Variants in GALNT17 observed in about 807,000 individuals in gnomAD.
GALNT17 encodes the protein polypeptide N-acetylgalactosaminyltransferase 17.
GALNT17 carries 29 observed loss-of-function variants against 63.7 expected under a neutral mutation model. The observed-to-expected ratio is 0.46, with a 90% CI of 0.34 to 0.62. GALNT17 has a LOEUF of 0.62. Ranked by LOEUF, GALNT17 falls within the 20% of genes least tolerant of loss-of-function variation. GALNT17 has a pLI of 0.01. For missense variants in GALNT17, 603 were observed against 799.6 expected (o/e 0.75, Z 2.97); for synonymous variants, 305 against 318.3 (o/e 0.96, Z 0.45).
chr7:71,545,100 T>G (rs897516388), intron 5 of GALNT17, among the ~76,000 whole-genome samples: 5 of 152,154 alleles, frequency 3.3e-5, no homozygotes, highest in Admixed American at 2.0e-4. Flanking sequence ...CGTTTTCATA[T>G]TTTCCATCTC....
chr7:71,630,063 C>T (rs67899549), intron 6 of GALNT17, among the ~76,000 whole-genome samples: 38,010 of 151,814 alleles, frequency 0.25, 5,067 homozygotes, highest in Non-Finnish European at 0.29. Context: ...AGACACAGGA[C>T]TGACACCACC....
In GALNT17 at chr7:71,712,256, A is replaced by G; in HGVS notation, c.*110A>G. On this transcript the variant is annotated 3_prime_UTR_variant, in exon 11 of 11. Transcript: ENST00000333538. ...ACAGCAAGGGGCCGGCAGGTGCTCG[A>G]TGGGCCCCCCAGGGCTTCTCCAGGG... 1.4e-6 allele frequency: 2 copies of G among 1,472,288 alleles called. 1 individual carries two copies. Among genetic ancestry groups the G allele is most frequent in the Non-Finnish European group, 1.8e-6 (2 of 1,109,144 alleles). 91.2% of individuals were successfully genotyped at this position (1,472,288 alleles called of 1,614,324 possible).
At chr7:71,268,330 T>C (rs1038222391) in intron 1 of GALNT17, among the ~76,000 whole-genome samples, 2 of 150,230 alleles carry the variant, frequency 1.3e-5, no homozygotes, top group Non-Finnish European at 3.0e-5. Flanking sequence ...TCCCTTGAGC[T>C]CAGGAGCTTG....
chr7:71,215,827 C>T lies in GALNT17; in HGVS notation c.238+82787C>T, dbSNP rs140218018. ...GGCTCAGGAACCCTTCACAATCTTA[C>T]AATTTATTGAAGACCCCCAAAATGC... On this transcript the variant is annotated intron_variant, in intron 1 of 10. Coordinates refer to ENST00000333538, the MANE Select transcript of GALNT17 (RefSeq NM_022479.3). 8.7e-4 allele frequency among the ~76,000 whole-genome samples: 132 copies of T among 152,270 alleles called. 1 individual carries two copies. The highest frequency in any genetic ancestry group is 8.5e-3 in the East Asian group (44 of 5,186).
At chr7:71,363,532 G>C (rs970892162) in intron 2 of GALNT17, among the ~76,000 whole-genome samples, 1 of 152,164 alleles carries the variant, frequency 6.6e-6, no homozygotes, top group Non-Finnish European at 1.5e-5. Flanking sequence ...AGACCTTTCT[G>C]TGTCCATGAT....
rs933400369 is a variant in GALNT17, at chr7:71,299,167, G to A, written c.239-36383G>A. Among the ~76,000 whole-genome samples, 10 of 152,306 alleles carry A rather than the reference G, an allele frequency of 6.6e-5. No individual in the cohort carries two copies. The South Asian group carries it at 1.7e-3, about 25-fold the overall frequency. On this transcript the variant is annotated intron_variant, in intron 1 of 10. Transcript: ENST00000333538. ...GATCTGAGCCTGCGGGGAGGCAGCT[G>A]GAGAAGGGTATGTGTGGGACCAGCT...
chr7:71,381,596 T>C (rs374429982), intron 2 of GALNT17, among the ~76,000 whole-genome samples: 1 of 151,992 alleles, frequency 6.6e-6, no homozygotes, highest in East Asian at 2.0e-4. Context: ...CTGGCTAACA[T>C]GGTGGAACCC....
chr7:71,708,290 G>A lies in GALNT17; in HGVS notation c.1501-2471G>A, dbSNP rs558292758. The stretch of plus-strand genomic sequence containing the variant: ...ATGGCTGAGGAGGCCTCGCAATCAT[G>A]TTGGAAGGCGAGGGAGGAGCAAAGG... On this transcript the variant is annotated intron_variant, in intron 9 of 10. Coordinates refer to ENST00000333538, the MANE Select transcript of GALNT17 (RefSeq NM_022479.3). Among the ~76,000 whole-genome samples, 9 of 152,304 alleles carry A rather than the reference G, an allele frequency of 5.9e-5. No individual in the cohort carries two copies. The South Asian group carries it at 6.2e-4, about 11-fold the overall frequency.
At chr7:71,194,887 A>G (rs1228455156) in intron 1 of GALNT17, among the ~76,000 whole-genome samples, 1 of 152,206 alleles carries the variant, frequency 6.6e-6, no homozygotes, top group Non-Finnish European at 1.5e-5. Flanking sequence ...CTTTAAGGAA[A>G]TGGGGGGACT....
chr7:71,232,507 A>G (rs1009516306), intron 1 of GALNT17, among the ~76,000 whole-genome samples: 3 of 152,092 alleles, frequency 2.0e-5, no homozygotes, highest in Admixed American at 1.3e-4. Context: ...GGGGGATTTA[A>G]TAAGTGATTG....
At chr7:71,696,159 C>G (rs1791539983) in intron 9 of GALNT17, among the ~76,000 whole-genome samples, 1 of 152,178 alleles carries the variant, frequency 6.6e-6, no homozygotes, top group African/African-American at 2.4e-5. Context: ...GTCACCTAGG[C>G]TGGAATGCAG....
At chr7:71,482,081 A>ATGTGTGTGTGTGTGTGTGTGTGTGTGTG (rs10678512) in intron 5 of GALNT17, among the ~76,000 whole-genome samples, 69 of 138,248 alleles carry the variant, frequency 5.0e-4, no homozygotes, top group East Asian at 2.6e-3. Flanking sequence ...ATATATGTAT[A>ATGTGTGTGTGTGTGTGTGTGTGTGTGTG]TGTGTGTGTG....
At chr7:71,203,474 T>C (rs1347832127) in intron 1 of GALNT17, among the ~76,000 whole-genome samples, 1 of 152,246 alleles carries the variant, frequency 6.6e-6, no homozygotes, top group African/African-American at 2.4e-5. Flanking sequence ...TCTTTGTCCA[T>C]TTTTAAAATT....
At chr7:71,356,128 C>G (rs1307413480) in intron 2 of GALNT17, among the ~76,000 whole-genome samples, 1 of 152,026 alleles carries the variant, frequency 6.6e-6, no homozygotes, top group African/African-American at 2.4e-5. Context: ...AGACGCCCAC[C>G]ACCACATCAG....
At chr7:71,371,421 A>G (rs1792621479) in intron 2 of GALNT17, among the ~76,000 whole-genome samples, 1 of 152,066 alleles carries the variant, frequency 6.6e-6, no homozygotes, top group African/African-American at 2.4e-5. Flanking sequence ...ACCTGTTTTT[A>G]TAAGTTTGTT....
chr7:71,143,474 C>T (rs763119651), intron 1 of GALNT17, among the ~76,000 whole-genome samples: 16 of 150,802 alleles, frequency 1.1e-4, no homozygotes, highest in South Asian at 2.1e-4. Flanking sequence ...GCCAGAACTA[C>T]GAATCTGCGG....
chr7:71,668,969 T>C (rs553510356), intron 7 of GALNT17, among the ~76,000 whole-genome samples: 1 of 152,328 alleles, frequency 6.6e-6, no homozygotes, highest in South Asian at 2.1e-4. Context: ...CAGGAGGTGG[T>C]TGTAGGCATT....
intron 2 of GALNT17, among the ~76,000 whole-genome samples, chr7:71,351,776 C>G (rs1487117519): frequency 6.6e-6 from 1 of 152,104 alleles, no homozygotes; most frequent in Non-Finnish European, 1.5e-5. Flanking sequence ...TTGTAGTGCC[C>G]CCATTTTGTG....
At chr7:71,648,987 C>G (rs532246221) in intron 6 of GALNT17, among the ~76,000 whole-genome samples, 2 of 152,300 alleles carry the variant, frequency 1.3e-5, no homozygotes, top group South Asian at 4.2e-4. Flanking sequence ...CACATTGGTG[C>G]CCAGTTCTAG....
Sources: gnomAD v4.1 joint callset for allele counts (sites outside exome capture counted in the v4.1 genomes callset) on GRCh38, gnomAD v4.1.1 for gene constraint, MANE v1.5 for transcripts, NCBI Gene and HGNC (gene_info 2026-07-23, HGNC 2026-07-21) for gene names.